Variants in C5 observed in about 807,000 individuals in gnomAD.
C5 encodes complement C5, also known as C3 and PZP-like alpha-2-macroglobulin domain-containing protein 4.
Under a neutral mutation model 218.8 loss-of-function variants are expected in C5, and 140 were observed. The observed-to-expected ratio is 0.64, with a 90% CI of 0.56 to 0.74. The LOEUF is 0.74. Ranked by LOEUF, C5 falls within the 30% of genes least tolerant of loss-of-function variation. The probability of loss-of-function intolerance (pLI) is 0.00; values close to 1 mark genes in which losing one functional copy is unlikely to be tolerated. For missense variants in C5, 1,700 were observed against 1,969.6 expected (o/e 0.86, Z 2.59); for synonymous variants, 614 against 682.3 (o/e 0.90, Z 1.56).
intron 36 of C5, among the ~76,000 whole-genome samples, chr9:120,962,083 C>T (rs1007152359): frequency 3.9e-5 from 6 of 152,168 alleles, no homozygotes; most frequent in African/African-American, 1.4e-4. Flanking sequence ...ATCCAATAAG[C>T]TCTCCAACCA....
At chr9:120,967,792 G>A (rs1465114301) in intron 33 of C5, among the ~76,000 whole-genome samples, 1 of 151,956 alleles carries the variant, frequency 6.6e-6, no homozygotes, top group Non-Finnish European at 1.5e-5. Flanking sequence ...CGTGGTCACA[G>A]CTCACTGCAG....
In C5 at chr9:121,030,422, T is replaced by C. The variant is rs1303726232; in HGVS notation, c.733A>G (p.Asn245Asp). The C allele has an allele frequency of 6.6e-6, 10 of 1,522,328 alleles. No individual in the cohort carries two copies. The Admixed American group carries it at 2.0e-4, about 31-fold the overall frequency. 94.3% of individuals were successfully genotyped at this position (1,522,328 alleles called of 1,614,324 possible). A position where few individuals can be genotyped will look rare whatever the true frequency, so the allele number is the denominator to read the frequency against. ...YNFIGYKNFK[N>D]FEITIKARYF... ...CTTGCTTTTATAGTAATTTCAAAAT[T>C]CTTAAAGTTCTTGTAACCAATGAAA... Residue 245 changes from asparagine (N) to aspartate (D), a missense_variant, in exon 7 of 41, where the codon AAT becomes GAT. Physicochemically the swap from Asn to Asp is conservative, Grantham distance 23. Coordinates refer to ENST00000223642, the MANE Select transcript of C5 (RefSeq NM_001735.3).
chr9:120,964,680 G>A lies in C5; in HGVS notation c.4221-942C>T, dbSNP rs750965474. The stretch of plus-strand genomic sequence containing the variant: ...AGCGGAAATGCAAAAAGGGCACAAT[G>A]GGAGGGTTTTGTTTTTGTTTTTGTT... On this transcript the variant is annotated intron_variant, in intron 33 of 40. Coordinates refer to ENST00000223642, the MANE Select transcript of C5 (RefSeq NM_001735.3). Among the ~76,000 whole-genome samples, 5 of 152,300 alleles carry A rather than the reference G, an allele frequency of 3.3e-5. No homozygotes were observed. In the East Asian group the frequency reaches 5.8e-4, roughly 18 times the overall value.
chr9:120,996,151 C>G (rs562532742), intron 22 of C5, 89 bp downstream of exon 22: 189 of 1,039,610 alleles, frequency 1.8e-4, no homozygotes, highest in Non-Finnish European at 2.7e-4. Flanking sequence ...AGACAATTCA[C>G]TTTCTGAAAA....
At chr9:121,003,143 T>G (rs1383034613) in intron 20 of C5, among the ~76,000 whole-genome samples, 1 of 152,012 alleles carries the variant, frequency 6.6e-6, no homozygotes, top group Non-Finnish European at 1.5e-5. Context: ...ATGCAAAAAT[T>G]AGCCAGGCGA....
intron 39 of C5, chr9:120,957,009 C>T (rs560672996): frequency 9.2e-4 from 339 of 369,328 alleles, no homozygotes; most frequent in Non-Finnish European, 1.6e-3. Flanking sequence ...ACACGTATCC[C>T]CTGAACCTAA....
At chr9:121,049,433 G>C (rs1035652239) in intron 1 of C5, among the ~76,000 whole-genome samples, 3 of 152,044 alleles carry the variant, frequency 2.0e-5, no homozygotes, top group African/African-American at 7.2e-5. Flanking sequence ...TGCTAAAAAA[G>C]AATGACATCC....
At position 120,989,634 on chromosome 9, in the gene C5, G is replaced by T. The variant is rs1168745189; in HGVS notation, c.3088C>A (p.His1030Asn). 1 of 1,613,092 alleles carries T rather than the reference G, an allele frequency of 6.2e-7. No homozygotes were observed. The highest frequency in any genetic ancestry group is 1.7e-5 in the Admixed American group (1 of 59,940). Residue 1030 changes from histidine to asparagine, a missense_variant, in exon 24 of 41, where the codon CAT becomes AAT. His to Asn is a moderately conservative substitution (Grantham distance 68). Transcript: ENST00000223642. ...GGGTCAGAATGAAAAATGTTCCAATGATTTCCTGTTTCCAGGTAGTGAAAA... is the reference window on the plus strand; with the variant it reads ...GGGTCAGAATGAAAAATGTTCCAATTATTTCCTGTTTCCAGGTAGTGAAAA... The part of the protein sequence containing the change: ...YVFHYLETGN[H>N]WNIFHSDPLI...
At position 121,029,392 on chromosome 9, in the gene C5, C is replaced by A. The variant is rs1418092297; in HGVS notation, c.758+1005G>T. ...AACTTACTAGCTGTATGATTTTGAG[C>A]AAATTATTAAACATTTATGTACCTC... On this transcript the variant is annotated intron_variant, in intron 7 of 40. Transcript: ENST00000223642. Among the ~76,000 whole-genome samples, 5 of 152,146 alleles carry A rather than the reference C, an allele frequency of 3.3e-5. No homozygotes were observed. The East Asian group carries it at 9.6e-4, about 29-fold the overall frequency.
At chr9:120,983,981 G>A (rs548184467) in intron 25 of C5, among the ~76,000 whole-genome samples, 1 of 151,994 alleles carries the variant, frequency 6.6e-6, no homozygotes, top group Non-Finnish European at 1.5e-5. Flanking sequence ...CAAAATGGTG[G>A]GAGAATGTTT....
chr9:121,041,155 G>T (rs982323926), intron 3 of C5, among the ~76,000 whole-genome samples: 1 of 151,688 alleles, frequency 6.6e-6, no homozygotes, highest in Non-Finnish European at 1.5e-5. Context: ...TGTTGGTCAG[G>T]CTGGTCTCAA....
chr9:121,023,311 G>A (rs2047382875), intron 10 of C5, 93 bp downstream of exon 10: 6 of 840,860 alleles, frequency 7.1e-6, no homozygotes, highest in South Asian at 5.3e-5. Flanking sequence ...TGACTTCATG[G>A]CAACATTCTT....
At position 121,048,060 on chromosome 9, in the gene C5, G is replaced by A. The variant is rs1291209035; in HGVS notation, c.66-1677C>T. Among the ~76,000 whole-genome samples, 4 of 152,084 alleles carry A rather than the reference G, an allele frequency of 2.6e-5. No homozygotes were observed. In the South Asian group the frequency reaches 8.3e-4, roughly 32 times the overall value. On this transcript the variant is annotated intron_variant, in intron 1 of 40. Transcript: ENST00000223642. ...TGAATTCTATAATTCACAAATTATA[G>A]AATTAGAAATCGAACCTGAGCAGCC...
chr9:120,970,330 G>A, intron 31 of C5, 79 bp from the exon 32 acceptor site: 2 of 881,566 alleles, frequency 2.3e-6, no homozygotes, highest in Non-Finnish European at 3.8e-6. Context: ...CACTGCTGCT[G>A]CAGATGGGAT....
At chr9:121,070,507 A>C in the C5 span, among the ~76,000 whole-genome samples, 1 of 150,120 alleles carries the variant, frequency 6.7e-6, no homozygotes, top group Admixed American at 6.7e-5. Context: ...ATTCATATAT[A>C]TATACATACA....
chr9:121,024,313 A>G (rs1358177839), intron 9 of C5, among the ~76,000 whole-genome samples: 1 of 470 alleles, frequency 2.1e-3, no homozygotes, highest in Non-Finnish European at 3.9e-3. Context: ...GGGAGGGGGG[A>G]GGGGGAGGGG....
intron 1 of C5, among the ~76,000 whole-genome samples, chr9:121,049,709 T>C (rs2047657274): frequency 6.6e-6 from 1 of 152,186 alleles, no homozygotes; most frequent in Admixed American, 6.5e-5. Context: ...AAAATGCATA[T>C]TATCTCAATA....
intron 17 of C5, among the ~76,000 whole-genome samples, chr9:121,010,137 C>T (rs948032369): frequency 2.6e-5 from 4 of 152,114 alleles, no homozygotes; most frequent in African/African-American, 9.7e-5. Context: ...CTAGCCAGAA[C>T]AATTAGACAA....
chr9:121,017,947 T>C, intron 12 of C5, 95 bp from the exon 13 acceptor site: 1 of 809,292 alleles, frequency 1.2e-6, no homozygotes, highest in Admixed American at 2.0e-5. Context: ...GGAGCAGAAA[T>C]TATGTTAAAG....
Sources: allele counts gnomAD v4.1 joint callset (sites outside exome capture counted in the v4.1 genomes callset), GRCh38; gene constraint gnomAD v4.1.1; transcripts MANE v1.5; gene names NCBI Gene and HGNC (gene_info 2026-07-23, HGNC 2026-07-21).